PIK3C2G: variants seen among roughly 807,000 people sequenced by gnomAD.
PIK3C2G encodes phosphatidylinositol 3-kinase C2 domain-containing subunit gamma.
In PIK3C2G, 168 loss-of-function variants were observed where a neutral mutation model predicts 181.1. That is an observed-to-expected ratio of 0.93 (90% confidence interval 0.82 to 1.05). The LOEUF (loss-of-function observed/expected upper bound fraction) is 1.05. Among genes scored for constraint, PIK3C2G ranks in the 50% least tolerant of loss-of-function variants. PIK3C2G has a pLI of 0.00. For synonymous variants in PIK3C2G, 573 were observed against 592.2 expected, an observed-to-expected ratio of 0.97 and a Z score of 0.47; for missense variants, 1,869 against 1,732.8, an observed-to-expected ratio of 1.08 and a Z score of -1.40.
intron 29 of PIK3C2G, among the ~76,000 whole-genome samples, chr12:18,578,671 C>G (rs1946346678): frequency 6.6e-6 from 1 of 152,090 alleles, no homozygotes; most frequent in Non-Finnish European, 1.5e-5. Flanking sequence ...TTTTTAAAAT[C>G]TTGTATTACC....
chr12:18,720,743 T>A, the PIK3C2G span, among the ~76,000 whole-genome samples: 1 of 152,046 alleles, frequency 6.6e-6, no homozygotes, highest in Admixed American at 6.6e-5. Context: ...CCTATGGAAG[T>A]AGAGACTCAG....
chr12:18,599,774 G>T (rs949838926), intron 30 of PIK3C2G, among the ~76,000 whole-genome samples: 5 of 151,754 alleles, frequency 3.3e-5, no homozygotes, highest in Non-Finnish European at 5.9e-5. Flanking sequence ...GGTATATTAG[G>T]CAAAGCAAGA....
intron 5 of PIK3C2G, among the ~76,000 whole-genome samples, chr12:18,296,406 G>T (rs572160741): frequency 4.0e-5 from 6 of 151,880 alleles, no homozygotes; most frequent in South Asian, 4.2e-4. Context: ...CTATGCTGCC[G>T]GTCTACAGCC....
the PIK3C2G span, chr12:18,696,322 C>CCATATATATATATATATATATATATATA: frequency 4.0e-6 from 1 of 253,072 alleles, no homozygotes; most frequent in African/African-American, 6.1e-5. Context: ...TAAAAAGCCA[C>CCATATATATATATATATATATATATATA]TATATATATA....
chr12:18,559,561 C>T (rs1237414949), intron 26 of PIK3C2G, among the ~76,000 whole-genome samples: 1 of 151,238 alleles, frequency 6.6e-6, no homozygotes, highest in Non-Finnish European at 1.5e-5. Flanking sequence ...GGTGAGGGTT[C>T]TGTGGCAAAT....
At chr12:18,581,502 C>T (rs921563796) in intron 29 of PIK3C2G, among the ~76,000 whole-genome samples, 64 of 152,302 alleles carry the variant, frequency 4.2e-4, no homozygotes, top group African/African-American at 1.5e-3. Context: ...TATCTAACAA[C>T]TCTTAGTGCA....
chr12:18,290,570 G>A (rs944290834), intron 3 of PIK3C2G, among the ~76,000 whole-genome samples: 1 of 152,140 alleles, frequency 6.6e-6, no homozygotes, highest in Non-Finnish European at 1.5e-5. Context: ...GAATCCTCAC[G>A]TTTCATGTTA....
chr12:18,436,727 T>C (rs1488306498), intron 18 of PIK3C2G, among the ~76,000 whole-genome samples: 1 of 151,964 alleles, frequency 6.6e-6, no homozygotes, highest in Non-Finnish European at 1.5e-5. Context: ...TTTTCTCTTT[T>C]AAAAAAATGG....
chr12:18,357,385 C>T (rs1222473538), intron 11 of PIK3C2G, among the ~76,000 whole-genome samples: 5 of 152,068 alleles, frequency 3.3e-5, no homozygotes, highest in African/African-American at 1.2e-4. Flanking sequence ...TATTCAAACA[C>T]AGTATGTACT....
chr12:18,411,976 T>TG (rs149953897), intron 16 of PIK3C2G, among the ~76,000 whole-genome samples: 1,677 of 151,818 alleles, frequency 0.011, 28 homozygotes, highest in African/African-American at 0.039. Flanking sequence ...GGAATAGAAG[T>TG]GTTTTTTTTA....
intron 18 of PIK3C2G, among the ~76,000 whole-genome samples, chr12:18,445,941 T>C (rs965755206): frequency 1.3e-5 from 2 of 152,072 alleles, no homozygotes; most frequent in African/African-American, 4.8e-5. Flanking sequence ...GAGGGGAAAA[T>C]GGGCACAGAG....
chr12:18,649,526 A>C (rs1359321850), downstream of PIK3C2G, among the ~76,000 whole-genome samples: 1 of 151,942 alleles, frequency 6.6e-6, no homozygotes, highest in Non-Finnish European at 1.5e-5. Context: ...TCGTTACCCC[A>C]CTTCCCTGCC....
intron 17 of PIK3C2G, among the ~76,000 whole-genome samples, chr12:18,423,462 G>A (rs962503715): frequency 3.3e-5 from 5 of 152,014 alleles, no homozygotes; most frequent in Non-Finnish European, 5.9e-5. Context: ...TGAAAGAAAG[G>A]ATTTGGGACT....
intron 18 of PIK3C2G, among the ~76,000 whole-genome samples, chr12:18,466,659 G>T (rs1425662972): frequency 6.6e-6 from 1 of 151,946 alleles, no homozygotes; most frequent in African/African-American, 2.4e-5. Context: ...TTGTCAGATG[G>T]CATAATGACT....
At chr12:18,556,247 C>T (rs1024726414) in intron 26 of PIK3C2G, among the ~76,000 whole-genome samples, 2 of 152,138 alleles carry the variant, frequency 1.3e-5, no homozygotes, top group African/African-American at 4.8e-5. Context: ...GGAGCTATTA[C>T]TTGGATAAAT....
At chr12:18,406,010 T>C (rs1944508495) in intron 16 of PIK3C2G, among the ~76,000 whole-genome samples, 1 of 152,206 alleles carries the variant, frequency 6.6e-6, no homozygotes, top group Non-Finnish European at 1.5e-5. Flanking sequence ...TTGTACCCTT[T>C]GACAACAATC....
Position 18,648,067 on chromosome 12 carries a change from GT to G in PIK3C2G, c.*40del. 7.3e-7 allele frequency: 1 copy of G among 1,377,862 alleles called. No homozygotes were observed. Among genetic ancestry groups the G allele is most frequent in the Non-Finnish European group, 9.8e-7 (1 of 1,022,380 alleles). 85.4% of individuals were successfully genotyped at this position (1,377,862 alleles called of 1,614,324 possible). A position where few individuals can be genotyped will look rare whatever the true frequency, so the allele number is the denominator to read the frequency against. On this transcript the variant is annotated 3_prime_UTR_variant, in exon 33 of 33. Transcript: ENST00000538779. ...CATATGCATTATTCATTAACTACTT[GT>G]ATTTTTTTCACTTCTGGGCCTCTGA...
rs17847794 is a variant in PIK3C2G at position 18,261,968 on chromosome 12, T to C, written c.-79+391T>C. Among the ~76,000 whole-genome samples, 121 of 152,242 alleles carry C rather than the reference T, an allele frequency of 7.9e-4. No individual in the cohort carries two copies. The East Asian group carries it at 0.017, about 22-fold the overall frequency. Reference sequence around the variant, plus strand: ...GATTTTTCTTAGTGTACACTTTTAGTGTCTTGAATCTCGTGCCACTAGCTT... The same window carrying C: ...GATTTTTCTTAGTGTACACTTTTAGCGTCTTGAATCTCGTGCCACTAGCTT... On this transcript the variant is annotated intron_variant, in intron 1 of 32. Transcript: ENST00000538779.
At chr12:18,668,523 G>A in the PIK3C2G span, among the ~76,000 whole-genome samples, 4 of 152,148 alleles carry the variant, frequency 2.6e-5, no homozygotes, top group African/African-American at 7.2e-5. Flanking sequence ...GAAGCTCCAG[G>A]ACTGCAACCC....
Sources: gnomAD v4.1 joint callset for allele counts (sites outside exome capture counted in the v4.1 genomes callset) on GRCh38, gnomAD v4.1.1 for gene constraint, MANE v1.5 for transcripts, NCBI Gene and HGNC (gene_info 2026-07-23, HGNC 2026-07-21) for gene names.